Variants in GPC6 observed in about 807,000 individuals in gnomAD.
GPC6 encodes the protein glypican-6.
In GPC6, 14 loss-of-function variants were observed where a neutral mutation model predicts 55.2. That is an observed-to-expected ratio of 0.25 (90% CI 0.17 to 0.40). The LOEUF is 0.40. Among genes scored for constraint, GPC6 ranks in the 10% least tolerant of loss-of-function variants. The probability of loss-of-function intolerance (pLI) is 1.00; values close to 1 mark genes in which losing one functional copy is unlikely to be tolerated. For missense variants in GPC6, 641 were observed against 708.5 expected (o/e 0.90, Z 1.08); for synonymous variants, 278 against 259.6 (o/e 1.07, Z -0.68).
intron 3 of GPC6, among the ~76,000 whole-genome samples, chr13:94,001,886 C>T (rs1487195398): frequency 6.6e-6 from 1 of 152,080 alleles, no homozygotes; most frequent in East Asian, 1.9e-4. Context: ...CTTCACTGAA[C>T]CAAAATGCTG....
chr13:93,521,307 T>C (rs1881413493), intron 1 of GPC6, among the ~76,000 whole-genome samples: 1 of 151,410 alleles, frequency 6.6e-6, no homozygotes, highest in South Asian at 2.1e-4. Context: ...TTTCTTTTCT[T>C]TTTTTTTAGG....
chr13:93,414,628 T>C (rs1398087276), intron 1 of GPC6, among the ~76,000 whole-genome samples: 1 of 152,034 alleles, frequency 6.6e-6, no homozygotes, highest in Non-Finnish European at 1.5e-5. Context: ...GGAAGAGACT[T>C]CTGGTGGGAA....
chr13:94,059,754 G>C (rs1319426078), intron 4 of GPC6, among the ~76,000 whole-genome samples: 1 of 151,656 alleles, frequency 6.6e-6, no homozygotes, highest in East Asian at 1.9e-4. Flanking sequence ...ATAGTGGAAG[G>C]GAAAGCAAGT....
intron 3 of GPC6, among the ~76,000 whole-genome samples, chr13:93,969,993 A>G (rs1880214868): frequency 6.6e-6 from 1 of 152,168 alleles, no homozygotes; most frequent in African/African-American, 2.4e-5. Context: ...AGGTTAAGGG[A>G]CTTACTGAAA....
upstream of GPC6, among the ~76,000 whole-genome samples, chr13:93,222,497 T>C (rs1220443202): frequency 6.6e-6 from 1 of 152,190 alleles, no homozygotes; most frequent in Non-Finnish European, 1.5e-5. Flanking sequence ...CCATGTGGTT[T>C]AGCATCCACC....
intron 6 of GPC6, among the ~76,000 whole-genome samples, chr13:94,311,549 A>G (rs752527535): frequency 6.6e-6 from 1 of 152,230 alleles, no homozygotes; most frequent in African/African-American, 2.4e-5. Context: ...TGAGGGGCAC[A>G]TACTTATTTG....
At chr13:94,212,781 C>G (rs1462070982) in intron 4 of GPC6, among the ~76,000 whole-genome samples, 1 of 152,220 alleles carries the variant, frequency 6.6e-6, no homozygotes, top group South Asian at 2.1e-4. Context: ...AATCCTCACA[C>G]ACTTTACAAA....
intron 1 of GPC6, among the ~76,000 whole-genome samples, chr13:93,373,055 A>G (rs939892482): frequency 6.6e-6 from 1 of 152,170 alleles, no homozygotes; most frequent in African/African-American, 2.4e-5. Context: ...GCTGGATGCA[A>G]CTCCACATCT....
At chr13:94,213,040 C>T (rs1207936522) in intron 4 of GPC6, among the ~76,000 whole-genome samples, 1 of 152,142 alleles carries the variant, frequency 6.6e-6, no homozygotes, top group Admixed American at 6.6e-5. Flanking sequence ...CCTGTAATCC[C>T]AGCTACCTGG....
chr13:94,240,142 T>G (rs1594088593), intron 4 of GPC6, among the ~76,000 whole-genome samples: 1 of 151,810 alleles, frequency 6.6e-6, no homozygotes, highest in Admixed American at 6.6e-5. Context: ...CAAAAAAAGT[T>G]CCCCCTCTCC....
intron 3 of GPC6, among the ~76,000 whole-genome samples, chr13:93,869,460 C>T (rs1156861208): frequency 4.0e-5 from 6 of 151,822 alleles, no homozygotes; most frequent in Non-Finnish European, 8.8e-5. Flanking sequence ...CCTCTGCTAA[C>T]ATGATAGTAT....
chr13:94,056,971 T>C (rs1046274836), intron 4 of GPC6, among the ~76,000 whole-genome samples: 1 of 152,226 alleles, frequency 6.6e-6, no homozygotes, highest in Admixed American at 6.5e-5. Flanking sequence ...TATCTTATCA[T>C]TTTGTTGCAT....
intron 1 of GPC6, among the ~76,000 whole-genome samples, chr13:93,333,726 C>T (rs1879942146): frequency 6.6e-6 from 1 of 151,810 alleles, no homozygotes; most frequent in Admixed American, 6.6e-5. Context: ...TTTGTAGAGA[C>T]AGGGTTTCAC....
intron 1 of GPC6, among the ~76,000 whole-genome samples, chr13:93,352,904 C>T (rs1156257927): frequency 6.6e-6 from 1 of 152,112 alleles, no homozygotes; most frequent in African/African-American, 2.4e-5. Context: ...TTAGGAAGCG[C>T]TTGCAGGAGT....
At chr13:93,271,956 C>T (rs1877542596) in intron 1 of GPC6, among the ~76,000 whole-genome samples, 1 of 152,094 alleles carries the variant, frequency 6.6e-6, no homozygotes, top group Non-Finnish European at 1.5e-5. Context: ...GTAATCATAA[C>T]TAATAAACTA....
intron 1 of GPC6, among the ~76,000 whole-genome samples, chr13:93,512,865 A>G (rs1594226870): frequency 6.6e-6 from 1 of 152,208 alleles, no homozygotes; most frequent in South Asian, 2.1e-4. Flanking sequence ...ACAAAAGCAG[A>G]TAACTATAAT....
At chr13:93,497,668 G>A (rs546093910) in intron 1 of GPC6, among the ~76,000 whole-genome samples, 85 of 152,298 alleles carry the variant, frequency 5.6e-4, no homozygotes, top group Middle Eastern at 3.4e-3. Flanking sequence ...AATTGATAAC[G>A]TATCAGGTCT....
intron 1 of GPC6, among the ~76,000 whole-genome samples, chr13:93,377,913 A>G (rs1475365848): frequency 6.6e-6 from 1 of 152,242 alleles, no homozygotes; most frequent in Non-Finnish European, 1.5e-5. Flanking sequence ...TTAATCATAC[A>G]AATGTGTATT....
At chr13:93,332,867 G>C (rs1879901737) in intron 1 of GPC6, among the ~76,000 whole-genome samples, 1 of 152,026 alleles carries the variant, frequency 6.6e-6, no homozygotes, top group Non-Finnish European at 1.5e-5. Flanking sequence ...ATTCATTTTG[G>C]TTTGATTTTT....
Sources: allele counts gnomAD v4.1 joint callset (sites outside exome capture counted in the v4.1 genomes callset), GRCh38; gene constraint gnomAD v4.1.1; transcripts MANE v1.5; gene names NCBI Gene and HGNC (gene_info 2026-07-23, HGNC 2026-07-21).